Variants in HIBCH observed in about 807,000 individuals in gnomAD.
HIBCH encodes 3-hydroxyisobutyryl-CoA hydrolase, mitochondrial.
Under a neutral mutation model 58.2 loss-of-function variants are expected in HIBCH, and 50 were observed. That is an observed-to-expected ratio of 0.86 (90% CI 0.68 to 1.09). HIBCH has a LOEUF of 1.09. Among genes scored for constraint, HIBCH ranks in the 50% least tolerant of loss-of-function variants. The pLI is 0.00. For synonymous variants in HIBCH, 151 were observed against 146.9 expected (o/e 1.03, Z -0.20); for missense variants, 450 against 449.7 (o/e 1.00, Z -0.01).
At chr2:190,223,269 T>C (rs1685780029) in intron 11 of HIBCH, among the ~76,000 whole-genome samples, 1 of 152,036 alleles carries the variant, frequency 6.6e-6, no homozygotes, top group African/African-American at 2.4e-5. Context: ...TAAAGTATAA[T>C]AAAAAAATAA....
At chr2:190,251,239 C>T (rs897385859) in intron 8 of HIBCH, among the ~76,000 whole-genome samples, 2 of 152,040 alleles carry the variant, frequency 1.3e-5, no homozygotes, top group African/African-American at 4.8e-5. Flanking sequence ...CTTTCCTTGC[C>T]GTATCCTAAA....
At chr2:190,318,841 T>A (rs1688773519) in intron 1 of HIBCH, among the ~76,000 whole-genome samples, 3 of 152,196 alleles carry the variant, frequency 2.0e-5, no homozygotes, top group Non-Finnish European at 4.4e-5. Flanking sequence ...AAGCAACTCT[T>A]AAATGTATAA....
At chr2:190,276,951 G>T (rs1242587464) in intron 6 of HIBCH, among the ~76,000 whole-genome samples, 1 of 152,152 alleles carries the variant, frequency 6.6e-6, no homozygotes, top group African/African-American at 2.4e-5. Flanking sequence ...CCTTAAATTT[G>T]ACGGAGCTTA....
At chr2:190,227,708 G>A (rs1042849382) in intron 11 of HIBCH, among the ~76,000 whole-genome samples, 3 of 151,620 alleles carry the variant, frequency 2.0e-5, no homozygotes, top group Non-Finnish European at 2.9e-5. Flanking sequence ...AAATTTACAA[G>A]AAAAAAAATC....
chr2:190,301,872 A>G (rs1435311237), intron 2 of HIBCH, among the ~76,000 whole-genome samples: 2 of 152,178 alleles, frequency 1.3e-5, no homozygotes, highest in Non-Finnish European at 2.9e-5. Flanking sequence ...CTCTTTTATA[A>G]GAGTACTAAT....
intron 2 of HIBCH, among the ~76,000 whole-genome samples, chr2:190,303,176 G>A (rs1029026356): frequency 6.6e-6 from 1 of 152,140 alleles, no homozygotes; most frequent in African/African-American, 2.4e-5. Flanking sequence ...AACAATTAGA[G>A]ATATGCATGA....
rs536841792 is a variant in HIBCH, at chr2:190,191,542, T to C, written c.*18-1545A>G. ...GTCTTCTATGTGGTTATTCCAACTT[T>C]GTGAGAAACTGCCAAACTTTTCCAG... On this transcript the variant is annotated intron_variant, in intron 1 of 1. Coordinates refer to the HIBCH transcript ENST00000399855. 2.6e-5 allele frequency among the ~76,000 whole-genome samples: 4 copies of C among 152,346 alleles called. No homozygotes were observed. In the South Asian group the frequency reaches 8.3e-4, roughly 32 times the overall value.
At chr2:190,265,013 C>T (rs1024847930) in intron 6 of HIBCH, among the ~76,000 whole-genome samples, 2 of 150,700 alleles carry the variant, frequency 1.3e-5, no homozygotes, top group African/African-American at 4.9e-5. Context: ...ATCCTAGCTA[C>T]TCGGGAGGCT....
intron 11 of HIBCH, among the ~76,000 whole-genome samples, chr2:190,234,744 G>T (rs747877091): frequency 1.3e-5 from 2 of 151,948 alleles, no homozygotes; most frequent in Non-Finnish European, 2.9e-5. Context: ...CAGTTACTCG[G>T]GAGGCTGAGG....
chr2:190,199,966 C>T (rs1433803931), downstream of HIBCH: 3 of 1,614,056 alleles, frequency 1.9e-6, no homozygotes, highest in Admixed American at 3.3e-5. Context: ...GAGATGTCTA[C>T]CTAGGATGGC....
chr2:190,249,904 CAA>C (rs1251032647), intron 8 of HIBCH, among the ~76,000 whole-genome samples, 178 bp from the exon 9 acceptor site: 1 of 152,108 alleles, frequency 6.6e-6, no homozygotes, highest in African/African-American at 2.4e-5. Context: ...TCCCACACAG[CAA>C]ATGTAGCCTT....
At chr2:190,301,712 A>T (rs1164155108) in intron 2 of HIBCH, among the ~76,000 whole-genome samples, 1 of 152,256 alleles carries the variant, frequency 6.6e-6, no homozygotes, top group East Asian at 1.9e-4. Flanking sequence ...TCTAACAGTT[A>T]TAGAGGCTAG....
At chr2:190,208,721 A>T in intron 13 of HIBCH, 159 bp downstream of exon 13, 3 of 689,514 alleles carry the variant, frequency 4.4e-6, no homozygotes, top group Non-Finnish European at 7.9e-6. Context: ...TTATGGTCCA[A>T]TGAACATTTG....
rs539396268 is a variant in HIBCH at position 190,277,590 on chromosome 2, C to T, written c.438+9996G>A. Among the ~76,000 whole-genome samples the T allele has an allele frequency of 7.5e-4, 114 of 152,318 alleles. No homozygotes were observed. The South Asian group carries it at 0.011, about 15-fold the overall frequency. On this transcript the variant is annotated intron_variant, in intron 6 of 13. Coordinates refer to ENST00000359678, the MANE Select transcript of HIBCH (RefSeq NM_014362.4). ...TGTTAAATAAGCAGAAGCCATTGAA[C>T]TGAGACTGTCTCTCTGCACTTTGAG...
At chr2:190,193,967 A>C (rs1309208424) in intron 1 of HIBCH, among the ~76,000 whole-genome samples, 3 of 152,148 alleles carry the variant, frequency 2.0e-5, no homozygotes, top group Non-Finnish European at 4.4e-5. Flanking sequence ...TGCATTTCAA[A>C]ATTTTGATGT....
chr2:190,295,795 C>T (rs983317544), intron 3 of HIBCH, among the ~76,000 whole-genome samples: 1 of 152,106 alleles, frequency 6.6e-6, no homozygotes, highest in Non-Finnish European at 1.5e-5. Context: ...GTATCTCAAA[C>T]AGAAACATAA....
intron 11 of HIBCH, among the ~76,000 whole-genome samples, chr2:190,229,916 A>G (rs565055813): frequency 6.6e-6 from 1 of 152,162 alleles, no homozygotes; most frequent in Non-Finnish European, 1.5e-5. Flanking sequence ...AAAACGTAAC[A>G]GTTAAATTGA....
chr2:190,224,286 A>T (rs578166766), intron 11 of HIBCH, among the ~76,000 whole-genome samples: 1 of 152,316 alleles, frequency 6.6e-6, no homozygotes, highest in South Asian at 2.1e-4. Context: ...CCCACCGCAG[A>T]TCAAGGACGC....
chr2:190,221,754 G>A (rs961475887), intron 11 of HIBCH, among the ~76,000 whole-genome samples: 13 of 152,130 alleles, frequency 8.5e-5, no homozygotes, highest in African/African-American at 2.9e-4. Flanking sequence ...GCAAGACGAC[G>A]GAGACTACGG....
Sources: allele counts gnomAD v4.1 joint callset (sites outside exome capture counted in the v4.1 genomes callset), GRCh38; gene constraint gnomAD v4.1.1; transcripts MANE v1.5; gene names NCBI Gene and HGNC (gene_info 2026-07-23, HGNC 2026-07-21).